Variants in KIAA1671 observed in about 807,000 individuals in gnomAD.
The protein encoded by KIAA1671 is uncharacterized protein KIAA1671.
Under a neutral mutation model 131.2 loss-of-function variants are expected in KIAA1671, and 52 were observed. The ratio of observed to expected loss-of-function variants is 0.40; its 90% confidence interval spans 0.32 to 0.50. The LOEUF (loss-of-function observed/expected upper bound fraction) is 0.50, where lower values mean the gene tolerates loss of function less well. Ranked by LOEUF, KIAA1671 falls within the 20% of genes least tolerant of loss-of-function variation. KIAA1671 has a pLI of 0.73. For synonymous variants in KIAA1671, 1,003 were observed against 961.6 expected (o/e 1.04, Z -0.80); for missense variants, 2,360 against 2,364.2 (o/e 1.00, Z 0.04).
intron 6 of KIAA1671, among the ~76,000 whole-genome samples, chr22:25,138,161 T>C (rs1210573013): frequency 6.6e-6 from 1 of 152,208 alleles, no homozygotes; most frequent in Non-Finnish European, 1.5e-5. Context: ...GCATTCTAAA[T>C]GCCCGCTGTC....
At position 25,170,933 on chromosome 22, in the gene KIAA1671, G is replaced by A. The variant is rs548050106; in HGVS notation, c.4644G>A (p.Gly1548=). 61 of 1,551,590 alleles carry A rather than the reference G, an allele frequency of 3.9e-5. 2 individuals carry two copies. In the South Asian group the frequency reaches 6.4e-4, roughly 16 times the overall value. ...CGTGGACAGAGCAGTGCCAGAGTGG[G>A]GAGAGGTAGGACGCGTGCGACGGGA... ...YGTWTEQCQS[G]ESLATESPDS... The change falls in exon 7 of 13, where the codon GGG becomes GGA. Residue 1548 remains glycine (G), a synonymous_variant. Transcript: ENST00000358431.
rs2145807506 is a variant in KIAA1671, at chr22:25,041,063, C to A, written c.3933C>A (p.Gly1311=). Residue 1311 remains glycine, a synonymous_variant, in exon 5 of 13, where the codon GGC becomes GGA. Transcript: ENST00000358431. ...PSAPSERYPG[G]SPIPADPRKK... ...CTCCTTCTGAAAGGTATCCAGGGGGCTCTCCTATACCTGCGGATCCCAGGA... is the reference window on the plus strand; with the variant it reads ...CTCCTTCTGAAAGGTATCCAGGGGGATCTCCTATACCTGCGGATCCCAGGA... 2 of 1,524,276 alleles carry A rather than the reference C, an allele frequency of 1.3e-6. No individual in the cohort carries two copies. The highest frequency in any genetic ancestry group is 2.5e-5 in the South Asian group (2 of 79,364). 94.4% of individuals were successfully genotyped at this position (1,524,276 alleles called of 1,614,324 possible). A position where few individuals can be genotyped will look rare whatever the true frequency, so the allele number is the denominator to read the frequency against.
At chr22:25,001,805 G>A (rs1017968711) in intron 1 of KIAA1671, among the ~76,000 whole-genome samples, 2 of 152,136 alleles carry the variant, frequency 1.3e-5, no homozygotes, top group African/African-American at 4.8e-5. Flanking sequence ...CCTGCTGTGT[G>A]GTCCTGTTGG....
intron 1 of KIAA1671, chr22:25,010,517 A>G (rs1225622161): frequency 6.6e-6 from 1 of 152,124 alleles, no homozygotes; most frequent in Non-Finnish European, 1.5e-5. Flanking sequence ...GTAGAGACCT[A>G]CTATGTGCGG....
In KIAA1671 at chr22:25,093,834, G is replaced by GTCTCTCTCTCTTTC. The variant is rs1568951583; in HGVS notation, c.4530+44473_4530+44474insCTCTCTCTTTCTCT. On this transcript the variant is annotated intron_variant, in intron 6 of 12. Coordinates refer to ENST00000358431, the MANE Select transcript of KIAA1671 (RefSeq NM_001145206.2). Reference sequence around the variant, plus strand: ...TCTGTCTCTCTCTCTTTCTCTCTCTGTCTGTCTCTCTCTCTCTCTCTCTCT... The same window carrying GTCTCTCTCTCTTTC: ...TCTGTCTCTCTCTCTTTCTCTCTCTGTCTCTCTCTCTTTCTCTGTCTCTCTCTCTCTCTCTCTCT... Among the ~76,000 whole-genome samples the GTCTCTCTCTCTTTC allele has an allele frequency of 6.5e-4, 11 of 16,958 alleles. 2 individuals carry two copies. The highest frequency in any genetic ancestry group is 2.0e-3 in the South Asian group (1 of 502). The allele number at this position is 16,958 out of a possible 152,430, so 11.1% of individuals were successfully genotyped here. A position where few individuals can be genotyped will look rare whatever the true frequency, so the allele number is the denominator to read the frequency against.
At chr22:25,089,439 T>C (rs1341696681) in intron 6 of KIAA1671, among the ~76,000 whole-genome samples, 1 of 151,954 alleles carries the variant, frequency 6.6e-6, no homozygotes, top group Non-Finnish European at 1.5e-5. Context: ...CATGCCCAGC[T>C]AATTTTGTAT....
chr22:25,041,877 T>A (rs1190322750), intron 5 of KIAA1671, among the ~76,000 whole-genome samples: 1 of 152,174 alleles, frequency 6.6e-6, no homozygotes, highest in Non-Finnish European at 1.5e-5. Flanking sequence ...CCCAAATAGC[T>A]GGGATGACAG....
At chr22:25,183,488 CTCCT>C (rs36170262) in intron 10 of KIAA1671, among the ~76,000 whole-genome samples, 51,752 of 124,448 alleles carry the variant, frequency 0.42, 10,758 homozygotes, top group East Asian at 0.6. Context: ...CTTTCTCTTT[CTCCT>C]TCCTTCCTTC....
At position 25,101,371 on chromosome 22, in the gene KIAA1671, T is replaced by C. The variant is rs576801243; in HGVS notation, c.4530+52007T>C. Among the ~76,000 whole-genome samples, 7 of 152,346 alleles carry C rather than the reference T, an allele frequency of 4.6e-5. No individual in the cohort carries two copies. In the South Asian group the frequency reaches 1.0e-3, roughly 23 times the overall value. On this transcript the variant is annotated intron_variant, in intron 6 of 12. Transcript: ENST00000358431. The stretch of plus-strand genomic sequence containing the variant: ...CTTTGCCATGCCAGGCAGGGCCACA[T>C]GGCAGACTCTCCACAGCATGGAAAA...
chr22:25,146,102 A>G (rs1460080913), intron 6 of KIAA1671, among the ~76,000 whole-genome samples: 1 of 152,252 alleles, frequency 6.6e-6, no homozygotes, highest in African/African-American at 2.4e-5. Context: ...GAGTCAACTT[A>G]TTACTAGTTA....
At chr22:24,977,128 G>A (rs906143040) in intron 1 of KIAA1671, among the ~76,000 whole-genome samples, 20 of 152,218 alleles carry the variant, frequency 1.3e-4, no homozygotes, top group African/African-American at 4.8e-4. Context: ...GCATGTTGTC[G>A]GCAGCTGTTA....
At chr22:25,135,395 C>T (rs1932631832) in intron 6 of KIAA1671, among the ~76,000 whole-genome samples, 1 of 152,132 alleles carries the variant, frequency 6.6e-6, no homozygotes, top group South Asian at 2.1e-4. Flanking sequence ...ACTGTGTTAG[C>T]CAGGATGGTC....
At chr22:25,192,117 G>A (rs1934688881) in intron 12 of KIAA1671, among the ~76,000 whole-genome samples, 1 of 152,152 alleles carries the variant, frequency 6.6e-6, no homozygotes, top group African/African-American at 2.4e-5. Context: ...TGCAGTACAT[G>A]TAATATCTCA....
At chr22:25,097,613 G>A (rs1930451036) in intron 6 of KIAA1671, among the ~76,000 whole-genome samples, 1 of 152,054 alleles carries the variant, frequency 6.6e-6, no homozygotes, top group African/African-American at 2.4e-5. Flanking sequence ...GATGGCGGGT[G>A]CCTGTAGTCC....
At chr22:25,127,798 G>A (rs1428639768) in intron 6 of KIAA1671, among the ~76,000 whole-genome samples, 1 of 152,232 alleles carries the variant, frequency 6.6e-6, no homozygotes. Context: ...GGTCATTAGA[G>A]ATCTGCTTAG....
At chr22:25,154,758 G>A (rs979903422) in intron 6 of KIAA1671, among the ~76,000 whole-genome samples, 6 of 152,204 alleles carry the variant, frequency 3.9e-5, no homozygotes, top group Non-Finnish European at 8.8e-5. Context: ...GCCCCACTGC[G>A]AGGTCCCCAA....
chr22:25,033,028 T>TA (rs1200579495), intron 4 of KIAA1671, among the ~76,000 whole-genome samples: 5 of 152,212 alleles, frequency 3.3e-5, no homozygotes, highest in African/African-American at 9.7e-5. Flanking sequence ...TAGAAACTCC[T>TA]TCAAGGTCCT....
At chr22:25,097,751 C>T (rs1054585419) in intron 6 of KIAA1671, among the ~76,000 whole-genome samples, 9 of 147,950 alleles carry the variant, frequency 6.1e-5, no homozygotes, top group East Asian at 2.0e-4. Flanking sequence ...AAAAAAAAAT[C>T]GTAAAATAAA....
rs184004766 is a variant in KIAA1671, at chr22:24,969,161, A to G, written c.-208+16389A>G. Among the ~76,000 whole-genome samples, 241 of 152,238 alleles carry G rather than the reference A, an allele frequency of 1.6e-3. 4 individuals are homozygous for G. Among genetic ancestry groups the G allele is most frequent in the South Asian group, 6.2e-4 (3 of 4,818 alleles). ...AGTGATCTGCCCACCTCAGCCTCCCAAAGTGCTGGCACTACAGGTGTGAGC... is the reference window on the plus strand; with the variant it reads ...AGTGATCTGCCCACCTCAGCCTCCCGAAGTGCTGGCACTACAGGTGTGAGC... On this transcript the variant is annotated intron_variant, in intron 1 of 12. Coordinates refer to ENST00000358431, the MANE Select transcript of KIAA1671 (RefSeq NM_001145206.2).
Sources: allele counts gnomAD v4.1 joint callset (sites outside exome capture counted in the v4.1 genomes callset), GRCh38; gene constraint gnomAD v4.1.1; transcripts MANE v1.5; gene names NCBI Gene and HGNC (gene_info 2026-07-23, HGNC 2026-07-21).